The following CNOT1 variants were observed in gnomAD, a reference collection of about 807,000 sequenced individuals.
CNOT1 encodes CCR4-NOT transcription complex subunit 1, also known as CCR4-associated factor 1.
A neutral mutation model predicts 273.8 loss-of-function variants in CNOT1; 15 were observed. That is an observed-to-expected ratio of 0.05 (90% CI 0.04 to 0.08). CNOT1 has a LOEUF of 0.08. CNOT1 is among the 10% of genes least tolerant of loss of function. The pLI is 1.00. For missense variants in CNOT1, 1,644 were observed against 2,912.2 expected, an observed-to-expected ratio of 0.56 and a Z score of 10.02; for synonymous variants, 1,022 against 1,005.5, an observed-to-expected ratio of 1.02 and a Z score of -0.31.
At chr16:58,556,023 C>T in intron 19 of CNOT1, 115 bp from the exon 20 acceptor site, 1 of 1,499,818 alleles carries the variant, frequency 6.7e-7, no homozygotes, top group Non-Finnish European at 8.8e-7. Flanking sequence ...TATAAAAAAA[C>T]TGGAAAAGGT....
chr16:58,598,822 G>A (rs1334376767), intron 2 of CNOT1, among the ~76,000 whole-genome samples: 5 of 151,976 alleles, frequency 3.3e-5, no homozygotes, highest in African/African-American at 4.8e-5. Context: ...AGAACTTTTC[G>A]AGGCCAAGGC....
At chr16:58,550,339 GTAAAAT>G (rs1169053178) in intron 24 of CNOT1, among the ~76,000 whole-genome samples, 1 of 152,124 alleles carries the variant, frequency 6.6e-6, no homozygotes, top group Non-Finnish European at 1.5e-5. Context: ...ACTACATAGA[GTAAAAT>G]TAAATGTAGA....
intron 40 of CNOT1, chr16:58,533,156 T>A (rs1319046744): frequency 6.6e-6 from 1 of 152,230 alleles, no homozygotes; most frequent in Non-Finnish European, 1.5e-5. Context: ...GCGGGTATGT[T>A]TACATATTAT....
At chr16:58,587,981 T>C (rs1262125957) in intron 3 of CNOT1, 103 bp from the exon 4 acceptor site, 4 of 1,100,490 alleles carry the variant, frequency 3.6e-6, no homozygotes, top group East Asian at 2.6e-5. Flanking sequence ...CACTATATAC[T>C]GTTATATATT....
chr16:58,621,066 T>G (rs539021940), intron 1 of CNOT1, among the ~76,000 whole-genome samples: 148 of 151,640 alleles, frequency 9.8e-4, no homozygotes, highest in Non-Finnish European at 1.7e-3. Context: ...CAGGCTGGAG[T>G]GCAATGATCA....
chr16:58,616,497 T>TC (rs2043088053), intron 1 of CNOT1, among the ~76,000 whole-genome samples: 1 of 152,124 alleles, frequency 6.6e-6, no homozygotes, highest in Admixed American at 6.6e-5. Flanking sequence ...GCTCAAGCAG[T>TC]CCTCCCACCT....
chr16:58,551,482 T>C (rs924500291), intron 23 of CNOT1, 107 bp downstream of exon 23: 4 of 1,333,292 alleles, frequency 3.0e-6, no homozygotes, highest in African/African-American at 2.9e-5. Context: ...GTCTTTTATA[T>C]CTTTTTTAGT....
chr16:58,563,116 C>T (rs1477256215), intron 16 of CNOT1, among the ~76,000 whole-genome samples: 1 of 152,190 alleles, frequency 6.6e-6, no homozygotes, highest in Non-Finnish European at 1.5e-5. Flanking sequence ...TTTATGTCCA[C>T]TGAAGCCAGG....
In CNOT1 at chr16:58,545,063, C is replaced by T. The variant is rs139921473; in HGVS notation, c.4137+298G>A. On this transcript the variant is annotated intron_variant, in intron 30 of 48. Transcript: ENST00000317147. ...ATAAAAAGCTATGATATACATTAAG[C>T]ATCTTTTACTCTGTGTAAGGAATTC... Among the ~76,000 whole-genome samples, 51 of 152,312 alleles carry T rather than the reference C, an allele frequency of 3.3e-4. No homozygotes were observed. The East Asian group carries it at 8.1e-3, about 24-fold the overall frequency.
In CNOT1 at chr16:58,601,167, G is replaced by T. The variant is rs543163359; in HGVS notation, c.-174-1656C>A. On this transcript the variant is annotated intron_variant, in intron 1 of 48. Transcript: ENST00000317147. ...GAAGGGGTTTCGCCATGTTGGCCTGGCTGGTCTTGAACTCCTGACCTCAGG... is the reference window on the plus strand; with the variant it reads ...GAAGGGGTTTCGCCATGTTGGCCTGTCTGGTCTTGAACTCCTGACCTCAGG... Among the ~76,000 whole-genome samples the T allele has an allele frequency of 1.3e-3, 198 of 152,262 alleles. 1 individual carries two copies. Among genetic ancestry groups the T allele is most frequent in the African/African-American group, 4.4e-3 (183 of 41,558 alleles).
intron 2 of CNOT1, among the ~76,000 whole-genome samples, chr16:58,589,734 C>T (rs62067303): frequency 0.044 from 6,624 of 152,198 alleles, 421 homozygotes; most frequent in East Asian, 0.26. Context: ...CGTGGCACAG[C>T]CTTAAATGAA....
At chr16:58,625,964 G>A (rs2043561053) in intron 1 of CNOT1, among the ~76,000 whole-genome samples, 1 of 151,922 alleles carries the variant, frequency 6.6e-6, no homozygotes. Flanking sequence ...AACAGAAAAG[G>A]AATTGCTAGA....
chr16:58,554,942 A>G lies in CNOT1; in HGVS notation c.2891+309T>C, dbSNP rs980601520. ...CAGAGCAAGACTCCATCTCAAAAAA[A>G]AAAAAAAAAAAGCTTCAGGCCAGGC... is the stretch of plus-strand genomic sequence containing the variant. On this transcript the variant is annotated intron_variant, in intron 21 of 48. Transcript: ENST00000317147. 8.0e-5 allele frequency among the ~76,000 whole-genome samples: 12 copies of G among 149,614 alleles called. 1 individual carries two copies. Among genetic ancestry groups the G allele is most frequent in the Middle Eastern group, 3.5e-3 (1 of 288 alleles).
intron 2 of CNOT1, chr16:58,598,868 A>G: frequency 5.0e-6 from 1 of 201,498 alleles, no homozygotes; most frequent in Non-Finnish European, 1.0e-5. Flanking sequence ...GACCAGACTG[A>G]CCAACATGGT....
rs538854136 is a variant in CNOT1, at chr16:58,534,189, C to T, written c.5853G>A (p.Gly1951=). The T allele has an allele frequency of 3.1e-6, 5 of 1,614,182 alleles. No individual in the cohort carries two copies. The South Asian group carries it at 5.5e-5, about 18-fold the overall frequency. Residue 1951 remains glycine, a synonymous_variant, in exon 40 of 49, where the codon GGG becomes GGA. Transcript: ENST00000317147. ...RLIALLVKHS[G]EATNTVTKIN... ...TCTTTGTGACAGTGTTGGTGGCCTC[C>T]CCTGAGTGTTTCACGAGCAGTGCAA... is the stretch of plus-strand genomic sequence containing the variant.
rs538436670 is a variant in CNOT1, at chr16:58,594,733, C to T, written c.102+4503G>A. Among the ~76,000 whole-genome samples, 395 of 150,702 alleles carry T rather than the reference C, an allele frequency of 2.6e-3. 2 individuals carry two copies. The highest frequency in any genetic ancestry group is 6.4e-3 in the Admixed American group (96 of 15,040). ...TTGGAAATCACTTGAACCCAGGAGGCGGGGATTGCAGTCAGCTGAGATTAT... is the reference window on the plus strand; with the variant it reads ...TTGGAAATCACTTGAACCCAGGAGGTGGGGATTGCAGTCAGCTGAGATTAT... On this transcript the variant is annotated intron_variant, in intron 2 of 48. Transcript: ENST00000317147.
In CNOT1 at chr16:58,625,523, A is replaced by T. The variant is rs111492433; in HGVS notation, c.-175+4205T>A. ...GCAAAACCCTGTTTTAAAAAAACAT[A>T]TATATATAAAATTAGCCAGGCATGA... On this transcript the variant is annotated intron_variant, in intron 1 of 48. Transcript: ENST00000317147. Among the ~76,000 whole-genome samples, 412 of 151,482 alleles carry T rather than the reference A, an allele frequency of 2.7e-3. 2 individuals are homozygous for T. The highest frequency in any genetic ancestry group is 9.4e-3 in the African/African-American group (388 of 41,276).
intron 16 of CNOT1, among the ~76,000 whole-genome samples, chr16:58,572,285 A>C (rs77219961): frequency 6.9e-6 from 1 of 144,480 alleles, no homozygotes; most frequent in Non-Finnish European, 1.5e-5. Context: ...ACTCCATCTC[A>C]AAAAAAAAAA....
intron 2 of CNOT1, among the ~76,000 whole-genome samples, chr16:58,598,397 C>CAAA (rs869048108): frequency 9.3e-5 from 8 of 86,418 alleles, no homozygotes; most frequent in East Asian, 8.7e-4. Flanking sequence ...GACTCCATCT[C>CAAA]AAAAAAAAAA....
Sources: allele counts gnomAD v4.1 joint callset (sites outside exome capture counted in the v4.1 genomes callset), GRCh38; gene constraint gnomAD v4.1.1; transcripts MANE v1.5; gene names NCBI Gene and HGNC (gene_info 2026-07-23, HGNC 2026-07-21).